CHODL: variants seen among roughly 807,000 people sequenced by gnomAD.
The protein encoded by CHODL is transmembrane protein MT75.
Under a neutral mutation model 34.5 loss-of-function variants are expected in CHODL, and 29 were observed. The observed-to-expected ratio is 0.84, with a 90% confidence interval of 0.63 to 1.15. The LOEUF is 1.15. CHODL is among the 50% of genes most tolerant of loss of function. The pLI, the probability that CHODL is intolerant of heterozygous loss-of-function variation, is 0.00. For missense variants in CHODL, 332 were observed against 332.5 expected, an observed-to-expected ratio of 1.00 and a Z score of 0.01; for synonymous variants, 125 against 116.1, an observed-to-expected ratio of 1.08 and a Z score of -0.49.
intron 2 of CHODL, among the ~76,000 whole-genome samples, chr21:18,059,275 C>A (rs191714970): frequency 1.9e-3 from 292 of 152,220 alleles, no homozygotes; most frequent in African/African-American, 6.8e-3. Flanking sequence ...CCAAATTTGC[C>A]ATCAAACCTT....
chr21:18,078,376 A>T (rs938669785), intron 2 of CHODL, among the ~76,000 whole-genome samples: 21 of 152,144 alleles, frequency 1.4e-4, no homozygotes, highest in African/African-American at 5.1e-4. Context: ...CAAGAACATC[A>T]TGGGAAAACC....
intron 2 of CHODL, among the ~76,000 whole-genome samples, chr21:18,194,022 C>T (rs1334116767): frequency 6.6e-6 from 1 of 152,094 alleles, no homozygotes; most frequent in Non-Finnish European, 1.5e-5. Flanking sequence ...ACCTTTGTAG[C>T]ATATCCTGAA....
chr21:17,998,747 A>G (rs1014881433), intron 1 of CHODL, among the ~76,000 whole-genome samples: 11 of 152,208 alleles, frequency 7.2e-5, no homozygotes, highest in African/African-American at 2.7e-4. Flanking sequence ...CCTTGAACAT[A>G]GAGCACCATG....
chr21:17,960,954 C>CT (rs2063527647), intron 1 of CHODL, among the ~76,000 whole-genome samples: 2 of 152,206 alleles, frequency 1.3e-5, no homozygotes, highest in Non-Finnish European at 2.9e-5. Context: ...AGGTCTTCAT[C>CT]TTTTTTTATG....
chr21:18,261,624 G>A (rs543050315), intron 4 of CHODL, among the ~76,000 whole-genome samples: 49 of 152,066 alleles, frequency 3.2e-4, no homozygotes, highest in Non-Finnish European at 5.7e-4. Flanking sequence ...CCAAGATTGC[G>A]CCATGCACTC....
At chr21:18,018,804 C>T (rs553195430) in intron 1 of CHODL, among the ~76,000 whole-genome samples, 72 of 152,318 alleles carry the variant, frequency 4.7e-4, no homozygotes, top group Non-Finnish European at 8.7e-4. Flanking sequence ...CAGTCCTACA[C>T]GTGTGCTCCT....
rs1270491649 is a variant in CHODL at position 18,266,128 on chromosome 21, C to T, written c.*90C>T. On this transcript the variant is annotated 3_prime_UTR_variant, in exon 6 of 6. Transcript: ENST00000299295. ...AATAGCTTGGAATGGCTTGAAATCA[C>T]AAAGGATCTGCAAGATGAACTGTAA... 4.4e-6 allele frequency: 7 copies of T among 1,606,772 alleles called. No individual in the cohort carries two copies. The East Asian group carries it at 1.3e-4, about 31-fold the overall frequency.
chr21:18,140,758 G>A (rs1278672480), intron 2 of CHODL, among the ~76,000 whole-genome samples: 1 of 152,010 alleles, frequency 6.6e-6, no homozygotes, highest in Non-Finnish European at 1.5e-5. Context: ...TTGTGTGTAC[G>A]TGCATGTGGT....
At chr21:18,194,692 A>G (rs542766883) in intron 2 of CHODL, among the ~76,000 whole-genome samples, 4 of 152,226 alleles carry the variant, frequency 2.6e-5, no homozygotes, top group African/African-American at 9.6e-5. Flanking sequence ...TCACATAGGT[A>G]TACATTGAAA....
intron 1 of CHODL, among the ~76,000 whole-genome samples, chr21:18,248,447 G>T (rs1298502207): frequency 6.7e-6 from 1 of 150,350 alleles, no homozygotes; most frequent in African/African-American, 2.5e-5. Flanking sequence ...CTTATTACCA[G>T]TCATTTAATG....
At chr21:18,083,463 C>T (rs113833096) in intron 2 of CHODL, among the ~76,000 whole-genome samples, 2 of 152,100 alleles carry the variant, frequency 1.3e-5, no homozygotes, top group Admixed American at 1.3e-4. Context: ...GGCCACTGTC[C>T]TCCAGAACCC....
At chr21:18,212,284 T>C (rs927159121) in intron 2 of CHODL, among the ~76,000 whole-genome samples, 1 of 152,174 alleles carries the variant, frequency 6.6e-6, no homozygotes, top group Admixed American at 6.6e-5. Flanking sequence ...GCCACCATAA[T>C]TGCTCTCAGA....
At chr21:17,936,558 A>G (rs1189191096) in intron 1 of CHODL, among the ~76,000 whole-genome samples, 2 of 152,158 alleles carry the variant, frequency 1.3e-5, no homozygotes, top group Non-Finnish European at 2.9e-5. Flanking sequence ...AACAGATCCA[A>G]TGGAAAGCTG....
intron 1 of CHODL, among the ~76,000 whole-genome samples, chr21:18,020,490 A>G (rs1330745194): frequency 6.6e-6 from 1 of 152,196 alleles, no homozygotes; most frequent in East Asian, 1.9e-4. Flanking sequence ...ACCAAGTAAT[A>G]TGTGGTAAGG....
At chr21:18,159,730 G>A (rs1220337746) in intron 2 of CHODL, among the ~76,000 whole-genome samples, 1 of 152,156 alleles carries the variant, frequency 6.6e-6, no homozygotes, top group African/African-American at 2.4e-5. Context: ...ATCTATAAGT[G>A]GGCCAAATCT....
chr21:18,012,049 G>A (rs756318649), intron 1 of CHODL, among the ~76,000 whole-genome samples: 1 of 152,168 alleles, frequency 6.6e-6, no homozygotes, highest in Non-Finnish European at 1.5e-5. Context: ...AATCTGACAA[G>A]CCCATTTAAC....
chr21:17,955,993 A>T (rs1303877398), intron 1 of CHODL, among the ~76,000 whole-genome samples: 1 of 137,176 alleles, frequency 7.3e-6, no homozygotes, highest in African/African-American at 2.5e-5. Flanking sequence ...AGGAGTTCAT[A>T]TAACTTTCAG....
At position 17,982,937 on chromosome 21, in the gene CHODL, C is replaced by T. The variant is rs557157288; in HGVS notation, c.-144-44935C>T. Among the ~76,000 whole-genome samples the T allele has an allele frequency of 7.9e-5, 12 of 152,146 alleles. No homozygotes were observed. In the East Asian group the frequency reaches 2.3e-3, roughly 29 times the overall value. Reference sequence around the variant, plus strand: ...ATGGGGTTTCACCATGTTGGCCAGGCTGGCCTCGAACTCCTGACCTTAAGT... The same window carrying T: ...ATGGGGTTTCACCATGTTGGCCAGGTTGGCCTCGAACTCCTGACCTTAAGT... On this transcript the variant is annotated intron_variant, in intron 1 of 6. Transcript: ENST00000400127.
intron 2 of CHODL, among the ~76,000 whole-genome samples, chr21:18,088,439 G>A (rs1395458796): frequency 6.6e-6 from 1 of 152,152 alleles, no homozygotes; most frequent in African/African-American, 2.4e-5. Context: ...GTGCCCATGG[G>A]ATTCTCTGTG....
Sources: allele counts gnomAD v4.1 joint callset (sites outside exome capture counted in the v4.1 genomes callset), GRCh38; gene constraint gnomAD v4.1.1; transcripts MANE v1.5; gene names NCBI Gene and HGNC (gene_info 2026-07-23, HGNC 2026-07-21).